The following AEBP2 variants were observed in gnomAD, a reference collection of about 807,000 sequenced individuals.
The protein encoded by AEBP2 is zinc finger protein AEBP2.
In AEBP2, 10 loss-of-function variants were observed where a neutral mutation model predicts 50.8. That is an observed-to-expected ratio of 0.20 (90% confidence interval 0.12 to 0.33). AEBP2 has a LOEUF of 0.33. Ranked by LOEUF, AEBP2 falls within the 10% of genes least tolerant of loss-of-function variation. AEBP2 has a pLI of 1.00. For missense variants in AEBP2, 570 were observed against 688.0 expected, an observed-to-expected ratio of 0.83 and a Z score of 1.92; for synonymous variants, 296 against 261.3, an observed-to-expected ratio of 1.13 and a Z score of -1.28.
chr12:19,440,693 A>T (rs1417859142), intron 1 of AEBP2: 3 of 1,533,274 alleles, frequency 2.0e-6, no homozygotes, highest in Non-Finnish European at 2.6e-6. Context: ...GGCGGAGCAG[A>T]AGAGGGCCTT....
intron 1 of AEBP2, among the ~76,000 whole-genome samples, chr12:19,406,057 C>T (rs1216741671): frequency 6.6e-6 from 1 of 151,872 alleles, no homozygotes; most frequent in Non-Finnish European, 1.5e-5. Context: ...ACCTCTGCCT[C>T]CCGAGTCAAA....
chr12:19,450,044 CT>C (rs896613788), intron 1 of AEBP2, among the ~76,000 whole-genome samples: 2 of 152,068 alleles, frequency 1.3e-5, no homozygotes, highest in African/African-American at 4.8e-5. Context: ...CTTGTCTTTA[CT>C]TTTTTTTCCT....
intron 1 of AEBP2, among the ~76,000 whole-genome samples, chr12:19,405,048 C>T (rs1323071489): frequency 6.7e-6 from 1 of 149,854 alleles, no homozygotes; most frequent in Non-Finnish European, 1.5e-5. Flanking sequence ...GATTCTCCTG[C>T]CTCAAGCCTC....
chr12:19,460,352 T>C (rs534898756), intron 1 of AEBP2, among the ~76,000 whole-genome samples: 8 of 152,206 alleles, frequency 5.3e-5, no homozygotes, highest in Non-Finnish European at 1.0e-4. Flanking sequence ...ACGTTCTTTT[T>C]GTTTTTTGAG....
At chr12:19,447,420 A>ATCTTGAT (rs1282915070) in intron 1 of AEBP2, among the ~76,000 whole-genome samples, 1 of 152,198 alleles carries the variant, frequency 6.6e-6, no homozygotes, top group Non-Finnish European at 1.5e-5. Context: ...AACCATGTCT[A>ATCTTGAT]TCTTGATTGG....
chr12:19,481,768 G>T (rs1948733416), intron 3 of AEBP2, among the ~76,000 whole-genome samples: 1 of 152,098 alleles, frequency 6.6e-6, no homozygotes, highest in Non-Finnish European at 1.5e-5. Flanking sequence ...CATGAGCCAC[G>T]GTGCCCAGCC....
At chr12:19,506,256 T>C (rs571831268) in intron 5 of AEBP2, among the ~76,000 whole-genome samples, 1 of 151,998 alleles carries the variant, frequency 6.6e-6, no homozygotes, top group African/African-American at 2.4e-5. Context: ...AGCGTCCCCA[T>C]GCCCAGCTAA....
rs186382278 is a variant in AEBP2 at position 19,430,745 on chromosome 12, A to G, written c.-17+26529A>G. ...TTTTATTCTCTTTGAAGCAATTGTG[A>G]ATGGGAGTTCACTCATGATTTGGCT... On this transcript the variant is annotated intron_variant, in intron 1 of 3. Transcript: ENST00000538425. Among the ~76,000 whole-genome samples the G allele has an allele frequency of 4.7e-3, 718 of 152,282 alleles. 9 individuals are homozygous for G. The highest frequency in any genetic ancestry group is 0.017 in the African/African-American group (689 of 41,560).
intron 6 of AEBP2, among the ~76,000 whole-genome samples, chr12:19,512,932 A>G (rs930500771): frequency 4.6e-5 from 7 of 152,154 alleles, no homozygotes; most frequent in African/African-American, 1.7e-4. Context: ...TGGGTAACAG[A>G]GTGAGACTGT....
intron 3 of AEBP2, among the ~76,000 whole-genome samples, chr12:19,487,645 G>T (rs746682210): frequency 6.6e-6 from 1 of 152,072 alleles, no homozygotes; most frequent in Non-Finnish European, 1.5e-5. Context: ...TTGAAGCTGG[G>T]AGGCAGAGGT....
At position 19,519,883 on chromosome 12, in the gene AEBP2, C is replaced by G. The variant is rs1256119821; in HGVS notation, c.*1766C>G. ...AAATAAAAGCACTGCTACTATAAGA[C>G]ATTCTGGAATGGTTGTTTAATAAGG... is the stretch of plus-strand genomic sequence containing the variant. On this transcript the variant is annotated 3_prime_UTR_variant, in exon 8 of 8. Transcript: ENST00000266508. The G allele has an allele frequency of 6.6e-6, 1 of 152,346 alleles. No individual in the cohort carries two copies. Among genetic ancestry groups the G allele is most frequent in the Non-Finnish European group, 1.5e-5 (1 of 67,960 alleles). The allele number at this position is 152,346 out of a possible 1,614,324, so 9.4% of individuals were successfully genotyped here.
In AEBP2 at chr12:19,440,065, C is replaced by T. The variant is rs181009844; in HGVS notation, c.366C>T (p.Ala122=). The change falls in exon 1 of 8, where the codon GCC becomes GCT. Residue 122 remains alanine (A), a synonymous_variant. Coordinates refer to ENST00000266508, the MANE Select transcript of AEBP2 (RefSeq NM_153207.5). ...GCGGGGGTGAGGAGGAGAGTAGCGC[C>T]GAGAGCCTGGTGGGCAGCAGCGGCG... The part of the protein sequence containing the change: ...SSGGGEEESS[A]ESLVGSSGGS... 1.3e-6 allele frequency: 2 copies of T among 1,515,070 alleles called. No individual in the cohort carries two copies. The highest frequency in any genetic ancestry group is 1.4e-5 in the African/African-American group (1 of 69,986). The allele number at this position is 1,515,070 out of a possible 1,614,324, so 93.9% of individuals were successfully genotyped here. A position where few individuals can be genotyped will look rare whatever the true frequency, so the allele number is the denominator to read the frequency against.
At chr12:19,487,510 G>C (rs1466207363) in intron 3 of AEBP2, among the ~76,000 whole-genome samples, 1 of 152,126 alleles carries the variant, frequency 6.6e-6, no homozygotes, top group Non-Finnish European at 1.5e-5. Flanking sequence ...TTGAGGTCAG[G>C]AGTTCGAGAC....
At chr12:19,475,203 T>A (rs1305102968) in intron 3 of AEBP2, among the ~76,000 whole-genome samples, 2 of 152,086 alleles carry the variant, frequency 1.3e-5, no homozygotes, top group African/African-American at 4.8e-5. Context: ...CTGTACCCAC[T>A]GTGTAGTCTT....
At chr12:19,473,465 G>A (rs527675418) in intron 3 of AEBP2, 110 bp downstream of exon 3, 1 of 362,658 alleles carries the variant, frequency 2.8e-6, no homozygotes, top group Non-Finnish European at 4.1e-6. Context: ...GAGTGCAATG[G>A]TGCCATCTTG....
At chr12:19,415,397 C>T (rs1252011245) in intron 1 of AEBP2, among the ~76,000 whole-genome samples, 1 of 114,292 alleles carries the variant, frequency 8.7e-6, no homozygotes, top group African/African-American at 3.4e-5. Flanking sequence ...AAAAAGTGCA[C>T]AGTCTAGGGG....
chr12:19,456,881 C>A (rs1333202323), intron 1 of AEBP2: 2 of 1,483,448 alleles, frequency 1.3e-6, no homozygotes, highest in Non-Finnish European at 1.9e-6. Context: ...TTGTAGACAT[C>A]CTGGAGAGGC....
chr12:19,489,472 C>G (rs1948863572), intron 3 of AEBP2, among the ~76,000 whole-genome samples: 1 of 152,164 alleles, frequency 6.6e-6, no homozygotes, highest in African/African-American at 2.4e-5. Context: ...GATTATAATT[C>G]AAGATGAGAT....
chr12:19,509,978 G>C (rs1377832548), intron 5 of AEBP2, among the ~76,000 whole-genome samples: 2 of 151,614 alleles, frequency 1.3e-5, no homozygotes, highest in African/African-American at 4.8e-5. Flanking sequence ...GATTACTGAC[G>C]TGCACCATCA....
Sources: allele counts gnomAD v4.1 joint callset (sites outside exome capture counted in the v4.1 genomes callset), GRCh38; gene constraint gnomAD v4.1.1; transcripts MANE v1.5; gene names NCBI Gene and HGNC (gene_info 2026-07-23, HGNC 2026-07-21).